Variants in TMEM132D observed in about 807,000 individuals in gnomAD.
TMEM132D encodes the protein transmembrane protein 132D.
In TMEM132D, 21 loss-of-function variants were observed where a neutral mutation model predicts 62.3. The ratio of observed to expected loss-of-function variants is 0.34; its 90% confidence interval spans 0.24 to 0.49. TMEM132D has a LOEUF of 0.49. TMEM132D is among the 20% of genes least tolerant of loss of function. The pLI is 0.99. For synonymous variants in TMEM132D, 621 were observed against 575.6 expected (o/e 1.08, Z -1.13); for missense variants, 1,346 against 1,402.8 (o/e 0.96, Z 0.65).
intron 2 of TMEM132D, among the ~76,000 whole-genome samples, chr12:129,693,042 A>G (rs762495532): frequency 1.3e-5 from 2 of 152,198 alleles, no homozygotes; most frequent in Non-Finnish European, 2.9e-5. Context: ...ATAAGTTTTG[A>G]TAAAGAAAAA....
intron 5 of TMEM132D, among the ~76,000 whole-genome samples, chr12:129,200,575 A>G (rs1016370833): frequency 4.6e-5 from 7 of 152,186 alleles, no homozygotes; most frequent in East Asian, 3.9e-4. Context: ...GGGACAAAAA[A>G]GCTGATCGGG....
intron 4 of TMEM132D, among the ~76,000 whole-genome samples, chr12:129,280,705 A>G (rs1566020639): frequency 1.3e-5 from 2 of 152,098 alleles, no homozygotes; most frequent in African/African-American, 4.8e-5. Context: ...CTACCTACCT[A>G]TCATCTATCA....
chr12:129,684,444 A>G (rs892125739), intron 2 of TMEM132D, among the ~76,000 whole-genome samples: 7 of 152,278 alleles, frequency 4.6e-5, no homozygotes, highest in African/African-American at 1.7e-4. Flanking sequence ...CCAGCCCTGC[A>G]GAACTGTGAG....
intron 2 of TMEM132D, among the ~76,000 whole-genome samples, chr12:129,551,295 A>G (rs879388398): frequency 2.6e-5 from 4 of 152,240 alleles, no homozygotes; most frequent in Non-Finnish European, 5.9e-5. Flanking sequence ...GTGCTTTGCT[A>G]TGCAGCGAGC....
chr12:129,315,521 C>T (rs76850348), intron 4 of TMEM132D, among the ~76,000 whole-genome samples: 1,931 of 152,104 alleles, frequency 0.013, 44 homozygotes, highest in African/African-American at 0.044. Context: ...ATTATCTTTT[C>T]GATATGTTTT....
At chr12:129,654,561 AT>A (rs1880022206) in intron 2 of TMEM132D, among the ~76,000 whole-genome samples, 1 of 152,164 alleles carries the variant, frequency 6.6e-6, no homozygotes, top group Non-Finnish European at 1.5e-5. Context: ...CATAATCAAT[AT>A]CTATGTTTAC....
At chr12:129,839,355 T>A (rs1251482347) in intron 1 of TMEM132D, among the ~76,000 whole-genome samples, 1 of 151,792 alleles carries the variant, frequency 6.6e-6, no homozygotes, top group East Asian at 1.9e-4. Flanking sequence ...CTCGAACTCC[T>A]GACCTTGTGA....
intron 4 of TMEM132D, among the ~76,000 whole-genome samples, chr12:129,246,648 C>T (rs188921667): frequency 2.0e-3 from 302 of 152,106 alleles, no homozygotes; most frequent in Non-Finnish European, 3.2e-3. Flanking sequence ...CAGCTATAAT[C>T]CCAGCTACTC....
At chr12:129,582,140 A>G (rs955804227) in intron 2 of TMEM132D, among the ~76,000 whole-genome samples, 1 of 152,234 alleles carries the variant, frequency 6.6e-6, no homozygotes, top group African/African-American at 2.4e-5. Context: ...TGTCAGAACA[A>G]TGACTTACAC....
chr12:129,245,118 G>C (rs1014650915), intron 4 of TMEM132D, among the ~76,000 whole-genome samples: 3 of 152,078 alleles, frequency 2.0e-5, no homozygotes, highest in Non-Finnish European at 4.4e-5. Flanking sequence ...GTAGTGTATA[G>C]TTCTATATAC....
chr12:129,808,906 C>G (rs1719800212), intron 1 of TMEM132D, among the ~76,000 whole-genome samples: 1 of 151,944 alleles, frequency 6.6e-6, no homozygotes, highest in Admixed American at 6.5e-5. Flanking sequence ...CAAGAAACAT[C>G]AATAAATCTC....
intron 2 of TMEM132D, among the ~76,000 whole-genome samples, chr12:129,671,106 T>C (rs1880489778): frequency 6.6e-6 from 1 of 152,172 alleles, no homozygotes; most frequent in Non-Finnish European, 1.5e-5. Flanking sequence ...AAAGAAAAGA[T>C]GAATATTGAG....
chr12:129,454,032 T>C (rs915414802), intron 3 of TMEM132D, among the ~76,000 whole-genome samples: 4 of 152,320 alleles, frequency 2.6e-5, no homozygotes, highest in Middle Eastern at 3.4e-3. Flanking sequence ...TACAGCAATG[T>C]TCATGTTATG....
chr12:129,874,771 G>A (rs149715973), intron 1 of TMEM132D, among the ~76,000 whole-genome samples: 1,939 of 140,894 alleles, frequency 0.014, 42 homozygotes, highest in African/African-American at 0.049. Context: ...GCGCAATCTC[G>A]GCTCACTGCA....
chr12:129,873,657 G>A (rs1357360208), intron 1 of TMEM132D, among the ~76,000 whole-genome samples: 3 of 152,180 alleles, frequency 2.0e-5, no homozygotes, highest in African/African-American at 7.2e-5. Flanking sequence ...GAGACTGAAT[G>A]AGTGGGTCAA....
chr12:129,206,007 A>G (rs2135563936), intron 5 of TMEM132D, among the ~76,000 whole-genome samples: 1 of 152,366 alleles, frequency 6.6e-6, no homozygotes, highest in South Asian at 2.1e-4. Context: ...ACCCTGGAAG[A>G]TAACCTAAGA....
chr12:129,151,282 G>A (rs1877063412), intron 5 of TMEM132D, among the ~76,000 whole-genome samples: 1 of 152,182 alleles, frequency 6.6e-6, no homozygotes, highest in South Asian at 2.1e-4. Flanking sequence ...GGGGTTATTC[G>A]CCTAGGTTAT....
At chr12:129,281,137 C>G (rs1881133843) in intron 4 of TMEM132D, among the ~76,000 whole-genome samples, 1 of 152,070 alleles carries the variant, frequency 6.6e-6, no homozygotes, top group Non-Finnish European at 1.5e-5. Flanking sequence ...TAGCAATTGT[C>G]TTCGCCATAC....
chr12:129,874,341 C>G (rs943438661), intron 1 of TMEM132D, among the ~76,000 whole-genome samples: 5 of 151,858 alleles, frequency 3.3e-5, no homozygotes, highest in African/African-American at 9.7e-5. Flanking sequence ...ACCTGGGAGG[C>G]GGAGACTGCA....
Sources: gnomAD v4.1 joint callset for allele counts (sites outside exome capture counted in the v4.1 genomes callset) on GRCh38, gnomAD v4.1.1 for gene constraint, MANE v1.5 for transcripts, NCBI Gene and HGNC (gene_info 2026-07-23, HGNC 2026-07-21) for gene names.